MALRD1: variants seen among roughly 807,000 people sequenced by gnomAD.
MALRD1 encodes MAM and LDL receptor class A domain containing 1.
Under a neutral mutation model 242.1 loss-of-function variants are expected in MALRD1, and 247 were observed. That is an observed-to-expected ratio of 1.02 (90% confidence interval 0.92 to 1.13). MALRD1 has a LOEUF of 1.13. Among genes scored for constraint, MALRD1 ranks in the 50% most tolerant of loss-of-function variants. MALRD1 has a pLI of 0.00. For synonymous variants in MALRD1, 995 were observed against 866.6 expected, an observed-to-expected ratio of 1.15 and a Z score of -2.60; for missense variants, 2,989 against 2,533.1, an observed-to-expected ratio of 1.18 and a Z score of -3.86.
chr10:19,186,888 A>G (rs1485179332), intron 14 of MALRD1, among the ~76,000 whole-genome samples: 3 of 152,134 alleles, frequency 2.0e-5, no homozygotes, highest in African/African-American at 7.2e-5. Flanking sequence ...TGTGATAGGT[A>G]AAAAAGGGGC....
At chr10:19,247,538 C>T (rs1450518911) in intron 18 of MALRD1, among the ~76,000 whole-genome samples, 1 of 151,446 alleles carries the variant, frequency 6.6e-6, no homozygotes, top group Non-Finnish European at 1.5e-5. Flanking sequence ...ACTAAATTCC[C>T]CCACCCCCGA....
At chr10:19,713,204 A>T (rs566535099) in intron 38 of MALRD1, among the ~76,000 whole-genome samples, 1 of 152,192 alleles carries the variant, frequency 6.6e-6, no homozygotes, top group Non-Finnish European at 1.5e-5. Context: ...AAAGACACAT[A>T]AAATATTAGT....
At chr10:19,532,819 C>T (rs927330348) in intron 32 of MALRD1, among the ~76,000 whole-genome samples, 2 of 151,956 alleles carry the variant, frequency 1.3e-5, no homozygotes, top group Non-Finnish European at 1.5e-5. Context: ...TGAGAGCACA[C>T]GAATAAATGC....
intron 18 of MALRD1, among the ~76,000 whole-genome samples, chr10:19,235,237 A>C (rs917719620): frequency 1.1e-4 from 17 of 152,096 alleles, no homozygotes; most frequent in African/African-American, 3.9e-4. Context: ...ATAGCTAAAA[A>C]TATACAGACA....
chr10:19,662,014 T>C (rs976453439), intron 36 of MALRD1, among the ~76,000 whole-genome samples: 1 of 152,270 alleles, frequency 6.6e-6, no homozygotes, highest in Non-Finnish European at 1.5e-5. Context: ...GGATTCAATA[T>C]GACACATACT....
intron 2 of MALRD1, among the ~76,000 whole-genome samples, chr10:19,081,308 T>C (rs770418467): frequency 2.0e-5 from 3 of 152,252 alleles, no homozygotes; most frequent in South Asian, 2.1e-4. Flanking sequence ...TAAAGACACA[T>C]ACATGCGTAT....
chr10:19,599,389 T>C (rs1441466715), intron 34 of MALRD1, among the ~76,000 whole-genome samples: 2 of 152,174 alleles, frequency 1.3e-5, no homozygotes, highest in African/African-American at 4.8e-5. Flanking sequence ...CATTAATTTT[T>C]CATGGACTGA....
chr10:19,336,529 T>C (rs991770088), intron 24 of MALRD1, among the ~76,000 whole-genome samples: 2 of 152,200 alleles, frequency 1.3e-5, no homozygotes, highest in Non-Finnish European at 2.9e-5. Context: ...TAATTTTTGA[T>C]GGGTTAAAGT....
intron 28 of MALRD1, among the ~76,000 whole-genome samples, chr10:19,403,548 A>G (rs1329265704): frequency 6.6e-6 from 1 of 152,164 alleles, no homozygotes; most frequent in Middle Eastern, 3.2e-3. Flanking sequence ...CTGAGGGATC[A>G]TTATTCTGAG....
At chr10:19,279,294 T>C (rs966412170) in intron 19 of MALRD1, among the ~76,000 whole-genome samples, 2 of 152,204 alleles carry the variant, frequency 1.3e-5, no homozygotes, top group African/African-American at 4.8e-5. Flanking sequence ...TAGAGATTTC[T>C]TCTAAACAAC....
At chr10:19,435,126 T>C (rs544055848) in intron 28 of MALRD1, among the ~76,000 whole-genome samples, 2 of 149,280 alleles carry the variant, frequency 1.3e-5, no homozygotes, top group South Asian at 4.2e-4. Flanking sequence ...CATAATATAT[T>C]TTATAATATA....
At chr10:19,070,843 T>C (rs1159221307) in intron 2 of MALRD1, among the ~76,000 whole-genome samples, 2 of 39,532 alleles carry the variant, frequency 5.1e-5, no homozygotes, top group Non-Finnish European at 1.0e-4. Flanking sequence ...AAACTTTTTT[T>C]TTTTTTTTTT....
chr10:19,432,561 A>G (rs768279255), intron 28 of MALRD1, among the ~76,000 whole-genome samples: 3 of 152,222 alleles, frequency 2.0e-5, no homozygotes, highest in Non-Finnish European at 4.4e-5. Context: ...TGTTTTAGGC[A>G]TGGGAAATCC....
intron 38 of MALRD1, among the ~76,000 whole-genome samples, chr10:19,713,127 C>T (rs1166846326): frequency 3.3e-5 from 5 of 151,968 alleles, no homozygotes; most frequent in Admixed American, 6.6e-5. Context: ...TACCTTCTTC[C>T]TTCTTTCTTG....
chr10:19,198,094 TCGGCTCA>T (rs2131600429), intron 14 of MALRD1, among the ~76,000 whole-genome samples: 1 of 152,304 alleles, frequency 6.6e-6, no homozygotes, highest in South Asian at 2.1e-4. Context: ...TGGCATGATC[TCGGCTCA>T]CTGCAAAGTG....
chr10:19,633,038 C>T (rs1839976595), intron 36 of MALRD1, among the ~76,000 whole-genome samples: 1 of 152,054 alleles, frequency 6.6e-6, no homozygotes, highest in South Asian at 2.1e-4. Flanking sequence ...TCAAGATCAG[C>T]CTGGCCAATA....
In MALRD1 at chr10:19,567,778, C is replaced by G. The variant is rs1020799575; in HGVS notation, c.5680+75C>G. ...AAATATACTAAAGATTTGGGAATTT[C>G]TGAGGAATTACATTTATTTCTGGGT... On this transcript the variant is annotated intron_variant, in intron 33 of 39. Transcript: ENST00000454679. 12 of 1,274,330 alleles carry G rather than the reference C, an allele frequency of 9.4e-6. No individual in the cohort carries two copies. The South Asian group carries it at 1.7e-4, about 18-fold the overall frequency. 78.9% of individuals were successfully genotyped at this position (1,274,330 alleles called of 1,614,324 possible). A position where few individuals can be genotyped will look rare whatever the true frequency, so the allele number is the denominator to read the frequency against.
Position 19,713,423 on chromosome 10 carries a change from C to T in MALRD1, c.6315-17283C>T, listed in dbSNP as rs117859555. On this transcript the variant is annotated intron_variant, in intron 38 of 39. Transcript: ENST00000454679. ...TGGAGCTCAAATAATGTTTCCTAAG[C>T]AAGTTGGAAAATAAAAGACTTTGGC... Among the ~76,000 whole-genome samples, 698 of 152,200 alleles carry T rather than the reference C, an allele frequency of 4.6e-3. 2 individuals are homozygous for T. The highest frequency in any genetic ancestry group is 6.8e-3 in the Non-Finnish European group (463 of 68,012).
At chr10:19,653,250 G>T (rs1025308546) in intron 36 of MALRD1, among the ~76,000 whole-genome samples, 3 of 151,884 alleles carry the variant, frequency 2.0e-5, no homozygotes, top group African/African-American at 7.3e-5. Context: ...AGGCTGGAGT[G>T]CAGTGGCACA....
Sources: gnomAD v4.1 joint callset for allele counts (sites outside exome capture counted in the v4.1 genomes callset) on GRCh38, gnomAD v4.1.1 for gene constraint, MANE v1.5 for transcripts, NCBI Gene and HGNC (gene_info 2026-07-23, HGNC 2026-07-21) for gene names.